AFF3: variants seen among roughly 807,000 people sequenced by gnomAD.
AFF3 encodes AF4/FMR2 family member 3.
In AFF3, 32 loss-of-function variants were observed where a neutral mutation model predicts 129.7. The ratio of observed to expected loss-of-function variants is 0.25; its 90% confidence interval spans 0.19 to 0.33. The LOEUF (loss-of-function observed/expected upper bound fraction) is 0.33. Among genes scored for constraint, AFF3 ranks in the 10% least tolerant of loss-of-function variants. The pLI is 1.00. For missense variants in AFF3, 1,373 were observed against 1,592.0 expected (o/e 0.86, Z 2.34); for synonymous variants, 644 against 635.4 (o/e 1.01, Z -0.20).
chr2:99,574,061 T>G (rs1257839373), intron 18 of AFF3, among the ~76,000 whole-genome samples: 3 of 152,222 alleles, frequency 2.0e-5, no homozygotes, highest in African/African-American at 7.2e-5. Flanking sequence ...AGAATTCCCC[T>G]GTCACTAATT....
chr2:99,744,912 T>C (rs1418289477), intron 9 of AFF3, among the ~76,000 whole-genome samples: 1 of 152,186 alleles, frequency 6.6e-6, no homozygotes, highest in Non-Finnish European at 1.5e-5. Flanking sequence ...AGGAGCAGAA[T>C]TTCTGGGTTA....
In AFF3 at chr2:99,972,816, C is replaced by A. The variant is rs571138612; in HGVS notation, c.873+33816G>T. Among the ~76,000 whole-genome samples, 44 of 152,252 alleles carry A rather than the reference C, an allele frequency of 2.9e-4. No homozygotes were observed. In the South Asian group the frequency reaches 8.7e-3, roughly 30 times the overall value. On this transcript the variant is annotated intron_variant, in intron 7 of 24. Transcript: ENST00000672756. ...GGAACAGGAAGGAGGCAAAGATATG[C>A]CCCCAACTCCTCGCTCAACTCCCAG...
chr2:99,997,198 G>C (rs1680925192), intron 7 of AFF3, among the ~76,000 whole-genome samples: 1 of 152,156 alleles, frequency 6.6e-6, no homozygotes, highest in Non-Finnish European at 1.5e-5. Flanking sequence ...CAGACTTGTG[G>C]GTCACCTCCA....
intron 18 of AFF3, among the ~76,000 whole-genome samples, chr2:99,571,510 A>G (rs1676475585): frequency 6.6e-6 from 1 of 152,156 alleles, no homozygotes; most frequent in Non-Finnish European, 1.5e-5. Context: ...CCTGATATGG[A>G]GGCTGAGTCA....
intron 5 of AFF3, among the ~76,000 whole-genome samples, chr2:100,008,144 C>T (rs1682153449): frequency 6.6e-6 from 1 of 152,180 alleles, no homozygotes; most frequent in Non-Finnish European, 1.5e-5. Context: ...AGAAGCTTTA[C>T]TTGAAAATTC....
chr2:99,719,942 C>T (rs900501399), intron 11 of AFF3, among the ~76,000 whole-genome samples: 2 of 152,276 alleles, frequency 1.3e-5, no homozygotes, highest in Non-Finnish European at 1.5e-5. Context: ...GAGGCTGAGG[C>T]AGGAGAATGG....
intron 10 of AFF3, among the ~76,000 whole-genome samples, chr2:99,743,275 A>G (rs1355464273): frequency 2.6e-5 from 4 of 152,168 alleles, no homozygotes; most frequent in Admixed American, 2.6e-4. Flanking sequence ...ATTTGCCAGG[A>G]CATCTTTTCT....
intron 7 of AFF3, among the ~76,000 whole-genome samples, chr2:99,891,900 G>A (rs1231072281): frequency 6.6e-6 from 1 of 151,456 alleles, no homozygotes; most frequent in East Asian, 2.0e-4. Flanking sequence ...TCAGCTCACT[G>A]CAAGCTCCGC....
At chr2:99,644,225 C>T (rs1157717441) in intron 13 of AFF3, among the ~76,000 whole-genome samples, 2 of 152,160 alleles carry the variant, frequency 1.3e-5, no homozygotes, top group African/African-American at 4.8e-5. Flanking sequence ...AAAATGTAGC[C>T]GTTGCTGGAG....
Position 99,624,610 on chromosome 2 carries a change from G to A in AFF3, c.1185-22989C>T, listed in dbSNP as rs149648121. Among the ~76,000 whole-genome samples, 14 of 152,292 alleles carry A rather than the reference G, an allele frequency of 9.2e-5. No homozygotes were observed. The East Asian group carries it at 2.3e-3, about 25-fold the overall frequency. On this transcript the variant is annotated intron_variant, in intron 13 of 24. Transcript: ENST00000672756. ...TTGCAAGGAGGTGAGGCCCTGGCCC[G>A]TTGCCTCCTGTTATTAGAGGTCAAT...
At chr2:100,101,640 C>T (rs1194110023) in intron 4 of AFF3, among the ~76,000 whole-genome samples, 4 of 146,600 alleles carry the variant, frequency 2.7e-5, no homozygotes, top group Non-Finnish European at 4.5e-5. Context: ...TCCAGTCCAT[C>T]GAGGTTTTGT....
intron 7 of AFF3, among the ~76,000 whole-genome samples, chr2:99,883,372 T>C (rs1436244527): frequency 1.3e-5 from 2 of 152,194 alleles, no homozygotes; most frequent in Non-Finnish European, 2.9e-5. Context: ...TAACCAGACC[T>C]AAAATTCTTG....
chr2:100,086,685 T>C (rs2105384396), intron 4 of AFF3, among the ~76,000 whole-genome samples: 2 of 152,352 alleles, frequency 1.3e-5, no homozygotes, highest in South Asian at 2.1e-4. Context: ...ACCAAGGTTA[T>C]TCTACTATTG....
intron 7 of AFF3, among the ~76,000 whole-genome samples, chr2:99,981,114 G>A (rs1185786468): frequency 6.6e-6 from 1 of 152,144 alleles, no homozygotes; most frequent in African/African-American, 2.4e-5. Flanking sequence ...CACCTCCCAG[G>A]TTCAAGCGAT....
At position 99,859,851 on chromosome 2, in the gene AFF3, TG is replaced by T. The variant is rs547954337; in HGVS notation, c.874-22328del. Among the ~76,000 whole-genome samples, 28 of 152,226 alleles carry T rather than the reference TG, an allele frequency of 1.8e-4. No homozygotes were observed. The South Asian group carries it at 5.8e-3, about 32-fold the overall frequency. The stretch of plus-strand genomic sequence containing the variant: ...CCAGACGAAACCGGGAGCTTAGGCC[TG>T]GGGGTGATCAGCCAGGAACACCCAG... On this transcript the variant is annotated intron_variant, in intron 7 of 24. Coordinates refer to ENST00000672756, the MANE Select transcript of AFF3 (RefSeq NM_001386135.1).
At chr2:99,635,008 G>T (rs1171208082) in intron 13 of AFF3, among the ~76,000 whole-genome samples, 1 of 97,358 alleles carries the variant, frequency 1.0e-5, no homozygotes, top group African/African-American at 3.6e-5. Context: ...CACACATATG[G>T]TTGCTGTATA....
intron 8 of AFF3, among the ~76,000 whole-genome samples, chr2:99,777,534 C>T (rs975049768): frequency 6.6e-6 from 1 of 152,116 alleles, no homozygotes; most frequent in Non-Finnish European, 1.5e-5. Context: ...AGGAGTACAC[C>T]GCACTGGATA....
In AFF3 at chr2:99,547,554, G is replaced by C. The variant is rs996086978; in HGVS notation, c.*3920C>G. ...GTAACTCTGGAAAACTGTGAAAAATGTTATTTAAAAATATATATGTATATG... is the reference window on the plus strand; with the variant it reads ...GTAACTCTGGAAAACTGTGAAAAATCTTATTTAAAAATATATATGTATATG... On this transcript the variant is annotated 3_prime_UTR_variant, in exon 25 of 25. Coordinates refer to ENST00000672756, the MANE Select transcript of AFF3 (RefSeq NM_001386135.1). 1 of 198,944 alleles carries C rather than the reference G, an allele frequency of 5.0e-6. No individual in the cohort carries two copies. The highest frequency in any genetic ancestry group is 2.3e-5 in the African/African-American group (1 of 43,024). 12.3% of individuals were successfully genotyped at this position (198,944 alleles called of 1,614,324 possible).
chr2:99,947,633 T>TAGACAGACAGAC (rs1211365979), intron 7 of AFF3, among the ~76,000 whole-genome samples: 26 of 143,288 alleles, frequency 1.8e-4, no homozygotes, highest in African/African-American at 7.2e-4. Context: ...GATAGATAGA[T>TAGACAGACAGAC]AGATAGATAG....
Sources: allele counts gnomAD v4.1 joint callset (sites outside exome capture counted in the v4.1 genomes callset), GRCh38; gene constraint gnomAD v4.1.1; transcripts MANE v1.5; gene names NCBI Gene and HGNC (gene_info 2026-07-23, HGNC 2026-07-21).